Variants in CDH13 observed in about 807,000 individuals in gnomAD.
The protein encoded by CDH13 is cadherin 13.
In CDH13, 24 loss-of-function variants were observed where a neutral mutation model predicts 63.8. The observed-to-expected ratio is 0.38, with a 90% CI of 0.27 to 0.53. CDH13 has a LOEUF of 0.53. Among genes scored for constraint, CDH13 ranks in the 20% least tolerant of loss-of-function variants. The pLI is 0.85. For synonymous variants in CDH13, 503 were observed against 355.3 expected, an observed-to-expected ratio of 1.42 and a Z score of -4.67; for missense variants, 1,049 against 903.1, an observed-to-expected ratio of 1.16 and a Z score of -2.07.
rs1398488312 is a variant in CDH13 at position 83,486,769 on chromosome 16, G to A, written c.960+114G>A. The A allele has an allele frequency of 7.5e-6, 7 of 933,194 alleles. No individual in the cohort carries two copies. In the Admixed American group the frequency reaches 9.0e-5, roughly 12 times the overall value. The allele number at this position is 933,194 out of a possible 1,614,324, so 57.8% of individuals were successfully genotyped here. A position where few individuals can be genotyped will look rare whatever the true frequency, so the allele number is the denominator to read the frequency against. ...TTTTTAATACTGTAAAGGCAGAAAT[G>A]AGGTGTTTACCATGTTTTGGTGGGG... On this transcript the variant is annotated intron_variant, in intron 7 of 13. Transcript: ENST00000567109.
chr16:83,741,456 T>C (rs1308622589), intron 10 of CDH13, among the ~76,000 whole-genome samples: 1 of 150,874 alleles, frequency 6.6e-6, no homozygotes, highest in Non-Finnish European at 1.5e-5. Flanking sequence ...TTTCTCATAG[T>C]CTTTCCTATC....
intron 6 of CDH13, among the ~76,000 whole-genome samples, chr16:83,444,816 G>C (rs1467541708): frequency 3.6e-3 from 1 of 274 alleles, no homozygotes; most frequent in Non-Finnish European, 0.024. Flanking sequence ...TCTCATGGTT[G>C]GTTTTGCCTG....
chr16:83,464,197 T>C (rs572992030), intron 6 of CDH13, among the ~76,000 whole-genome samples: 1 of 151,338 alleles, frequency 6.6e-6, no homozygotes, highest in South Asian at 2.1e-4. Context: ...GTATCTGGGA[T>C]TACAGGCACA....
intron 1 of CDH13, chr16:82,719,613 A>G (rs998151124): frequency 8.6e-6 from 3 of 349,532 alleles, no homozygotes; most frequent in African/African-American, 6.4e-5. Context: ...TGACAAGCCA[A>G]GGTGGGTGGA....
intron 1 of CDH13, among the ~76,000 whole-genome samples, chr16:82,709,179 T>G (rs1407842018): frequency 2.0e-5 from 3 of 152,200 alleles, no homozygotes; most frequent in African/African-American, 7.2e-5. Context: ...GAATACGCCC[T>G]TAGCAGTTCT....
At chr16:83,278,070 A>G (rs1002980240) in intron 5 of CDH13, among the ~76,000 whole-genome samples, 1 of 152,194 alleles carries the variant, frequency 6.6e-6, no homozygotes, top group Non-Finnish European at 1.5e-5. Context: ...GTGTTTTTGC[A>G]GTATTGCAGC....
intron 5 of CDH13, among the ~76,000 whole-genome samples, chr16:83,278,490 T>A (rs1203485335): frequency 6.6e-6 from 1 of 152,072 alleles, no homozygotes; most frequent in Admixed American, 6.6e-5. Flanking sequence ...TTCCATGGTG[T>A]GAAGAATCCC....
chr16:82,831,191 G>A (rs2038525771), intron 1 of CDH13, among the ~76,000 whole-genome samples: 1 of 152,128 alleles, frequency 6.6e-6, no homozygotes, highest in Admixed American at 6.5e-5. Flanking sequence ...TGCATACACA[G>A]TGGCATTTGA....
chr16:83,413,746 G>A (rs1025394407), intron 6 of CDH13, among the ~76,000 whole-genome samples: 1 of 152,116 alleles, frequency 6.6e-6, no homozygotes, highest in Non-Finnish European at 1.5e-5. Flanking sequence ...TCAGCACTTT[G>A]GGAGGCTGAG....
At chr16:83,420,019 G>A (rs1228622094) in intron 6 of CDH13, among the ~76,000 whole-genome samples, 1 of 151,774 alleles carries the variant, frequency 6.6e-6, no homozygotes, top group Admixed American at 6.6e-5. Flanking sequence ...CATCTTGGGA[G>A]GCAGATTAGC....
At chr16:82,909,854 G>C (rs183393961) in intron 2 of CDH13, among the ~76,000 whole-genome samples, 1 of 152,242 alleles carries the variant, frequency 6.6e-6, no homozygotes, top group African/African-American at 2.4e-5. Context: ...TGAGAAAACA[G>C]GCATTTCTTC....
intron 6 of CDH13, among the ~76,000 whole-genome samples, chr16:83,367,317 T>C (rs887541060): frequency 1.3e-5 from 2 of 152,232 alleles, no homozygotes; most frequent in Non-Finnish European, 2.9e-5. Context: ...TTTCATTTTA[T>C]TGATTATTAA....
At chr16:82,955,802 T>A (rs1905997995) in intron 2 of CDH13, among the ~76,000 whole-genome samples, 1 of 152,204 alleles carries the variant, frequency 6.6e-6, no homozygotes, top group African/African-American at 2.4e-5. Flanking sequence ...TAAGGCAAGC[T>A]CTGCTCTAAA....
At chr16:83,350,950 A>T (rs2090939643) in intron 6 of CDH13, among the ~76,000 whole-genome samples, 1 of 152,152 alleles carries the variant, frequency 6.6e-6, no homozygotes, top group African/African-American at 2.4e-5. Flanking sequence ...CGCCTTTGGG[A>T]CTAATGGCTA....
intron 1 of CDH13, among the ~76,000 whole-genome samples, chr16:82,685,689 G>A (rs989253796): frequency 6.6e-6 from 1 of 152,166 alleles, no homozygotes; most frequent in Non-Finnish European, 1.5e-5. Flanking sequence ...CTGTGAGGGG[G>A]CCAGCAGGTG....
At chr16:82,801,794 G>C (rs1431386804) in intron 1 of CDH13, among the ~76,000 whole-genome samples, 1 of 152,240 alleles carries the variant, frequency 6.6e-6, no homozygotes, top group Non-Finnish European at 1.5e-5. Flanking sequence ...TACAGGTGTA[G>C]ATTGGGTCAG....
intron 3 of CDH13, among the ~76,000 whole-genome samples, chr16:83,085,557 C>G (rs977110821): frequency 6.6e-6 from 1 of 152,232 alleles, no homozygotes; most frequent in Admixed American, 6.5e-5. Context: ...CACTAGAAGT[C>G]TACTGTTTGT....
chr16:83,216,779 A>G (rs1162060299), intron 4 of CDH13, among the ~76,000 whole-genome samples: 1 of 150,104 alleles, frequency 6.7e-6, no homozygotes, highest in Non-Finnish European at 1.5e-5. Context: ...CATATTATAT[A>G]TATAAGCCCC....
At chr16:82,741,288 C>T (rs1259457787) in intron 1 of CDH13, among the ~76,000 whole-genome samples, 1 of 152,198 alleles carries the variant, frequency 6.6e-6, no homozygotes, top group Non-Finnish European at 1.5e-5. Context: ...TGTCTTTCCA[C>T]ATGTTATTTC....
Sources: allele counts gnomAD v4.1 joint callset (sites outside exome capture counted in the v4.1 genomes callset), GRCh38; gene constraint gnomAD v4.1.1; transcripts MANE v1.5; gene names NCBI Gene and HGNC (gene_info 2026-07-23, HGNC 2026-07-21).